UPK3A: variants seen among roughly 807,000 people sequenced by gnomAD.
The protein encoded by UPK3A is uroplakin 3A.
In UPK3A, 32 loss-of-function variants were observed where a neutral mutation model predicts 27.6. The observed-to-expected ratio is 1.16, with a 90% CI of 0.87 to 1.55. The LOEUF is 1.55. UPK3A is among the 40% of genes most tolerant of loss of function. The pLI is 0.00. For missense variants in UPK3A, 370 were observed against 367.9 expected (o/e 1.01, Z -0.05); for synonymous variants, 171 against 163.9 (o/e 1.04, Z -0.33).
chr22:45,288,447 C>T (rs1457791693), intron 3 of UPK3A, among the ~76,000 whole-genome samples: 2 of 152,220 alleles, frequency 1.3e-5, no homozygotes, highest in East Asian at 3.9e-4. Flanking sequence ...ATCCGCCCGC[C>T]TCAGCCTCCC....
In UPK3A at chr22:45,291,584, G is replaced by T. The variant is rs543040990; in HGVS notation, c.572-1597G>T. Among the ~76,000 whole-genome samples the T allele has an allele frequency of 2.1e-4, 32 of 149,172 alleles. No homozygotes were observed. The East Asian group carries it at 6.2e-3, about 29-fold the overall frequency. On this transcript the variant is annotated intron_variant, in intron 4 of 5. Coordinates refer to ENST00000216211, the MANE Select transcript of UPK3A (RefSeq NM_006953.4). ...TGTGTGTGCGTGTGTAAGAGTTTGA[G>T]TTGGTGTGTGGTGTCTGAGTGTGAC... is the stretch of plus-strand genomic sequence containing the variant.
At chr22:45,285,697 G>T (rs1411335093) in intron 1 of UPK3A, among the ~76,000 whole-genome samples, 1 of 152,160 alleles carries the variant, frequency 6.6e-6, no homozygotes, top group Non-Finnish European at 1.5e-5. Context: ...TGCTTAGGAG[G>T]GGCAGTGGAG....
chr22:45,290,456 C>A (rs535906502), intron 4 of UPK3A, among the ~76,000 whole-genome samples: 1 of 152,092 alleles, frequency 6.6e-6, no homozygotes, highest in South Asian at 2.1e-4. Flanking sequence ...AGTGCCCGTG[C>A]CTGTTGTGGT....
At chr22:45,289,997 C>T (rs1422703766) in intron 4 of UPK3A, among the ~76,000 whole-genome samples, 1 of 152,180 alleles carries the variant, frequency 6.6e-6, no homozygotes, top group Admixed American at 6.5e-5. Flanking sequence ...ATCCTCATAG[C>T]AGCAAGCACC....
chr22:45,290,024 T>A (rs1207606365), intron 4 of UPK3A, among the ~76,000 whole-genome samples: 3 of 152,156 alleles, frequency 2.0e-5, no homozygotes, highest in African/African-American at 7.2e-5. Flanking sequence ...CCAGGTAAGA[T>A]GTTTCCAAGG....
chr22:45,289,470 C>T lies in UPK3A; in HGVS notation c.571+327C>T, dbSNP rs145494031. Among the ~76,000 whole-genome samples the T allele has an allele frequency of 3.7e-3, 555 of 150,500 alleles. 5 individuals carry two copies. Among genetic ancestry groups the T allele is most frequent in the African/African-American group, 0.013 (522 of 40,948 alleles). ...GGGGGTGCCTTTAGTCCCAGCTACT[C>T]GGGAGGCTAAGGCGGGAGAATAGCG... On this transcript the variant is annotated intron_variant, in intron 4 of 5. Transcript: ENST00000216211.
At chr22:45,291,293 TG>T (rs1250091205) in intron 4 of UPK3A, among the ~76,000 whole-genome samples, 1 of 146,066 alleles carries the variant, frequency 6.8e-6, no homozygotes, top group South Asian at 2.2e-4. Context: ...TGGTGTGTGG[TG>T]GGGGTGTGTG....
rs146353231 is a variant in UPK3A, at chr22:45,295,656, G to A, written c.801G>A (p.Thr267=). 4.2e-5 allele frequency: 67 copies of A among 1,613,896 alleles called. No homozygotes were observed. The highest frequency in any genetic ancestry group is 3.3e-4 in the Middle Eastern group (2 of 6,060). Residue 267 remains threonine, a synonymous_variant, in exon 6 of 6, where the codon ACG becomes ACA. Transcript: ENST00000216211. ...KSLGASESSY[T]SVNRGPPLDR... is the part of the protein sequence containing the mutation. Reference sequence around the variant, plus strand: ...TGGGGGCCTCGGAGTCTTCCTACACGTCCGTGAACCGGGGGCCGCCACTGG... The same window carrying A: ...TGGGGGCCTCGGAGTCTTCCTACACATCCGTGAACCGGGGGCCGCCACTGG...
Position 45,289,198 on chromosome 22 carries a change from C to T in UPK3A, c.571+55C>T, listed in dbSNP as rs1176343706. 9.5e-6 allele frequency: 15 copies of T among 1,575,844 alleles called. No homozygotes were observed. In the Middle Eastern group the frequency reaches 1.3e-3, roughly 141 times the overall value. On this transcript the variant is annotated intron_variant, in intron 4 of 5. Coordinates refer to ENST00000216211, the MANE Select transcript of UPK3A (RefSeq NM_006953.4). ...CTCAAGGGGACCCGAGAAGGCGGGG[C>T]CAGCCACGGCGGTGAGAACCAAGGC...
At position 45,286,045 on chromosome 22, in the gene UPK3A, G is replaced by A. The variant is rs781151893; in HGVS notation, c.157G>A (p.Glu53Lys). 7 of 1,614,064 alleles carry A rather than the reference G, an allele frequency of 4.3e-6. No individual in the cohort carries two copies. The highest frequency in any genetic ancestry group is 5.9e-6 in the Non-Finnish European group (7 of 1,180,032). Reference protein sequence around the residue: ...EKPLCMFDSKEALTGTHEVYL... With the variant: ...EKPLCMFDSKKALTGTHEVYL... Reference sequence around the variant, plus strand: ...GCCTCTCTGCATGTTTGACAGCAAAGAGGCCCTCACTGGCACCCACGAGGT... The same window carrying A: ...GCCTCTCTGCATGTTTGACAGCAAAAAGGCCCTCACTGGCACCCACGAGGT... Residue 53 changes from glutamate to lysine, a missense_variant, in exon 2 of 6, where the codon GAG (glutamate) becomes AAG (lysine). Physicochemically the swap from Glu to Lys is moderately conservative, Grantham distance 56. Transcript: ENST00000216211.
At chr22:45,293,829 G>A (rs1189200518) in intron 5 of UPK3A, among the ~76,000 whole-genome samples, 2 of 152,144 alleles carry the variant, frequency 1.3e-5, no homozygotes, top group African/African-American at 2.4e-5. Context: ...GGGTCAGAGT[G>A]GCCCAAGGCG....
At chr22:45,289,452 C>G (rs963883536) in intron 4 of UPK3A, among the ~76,000 whole-genome samples, 3 of 151,926 alleles carry the variant, frequency 2.0e-5, no homozygotes, top group Middle Eastern at 3.4e-3. Flanking sequence ...GGTGGGGGTG[C>G]CTTTAGTCCC....
intron 4 of UPK3A, among the ~76,000 whole-genome samples, chr22:45,289,471 G>A (rs987454104): frequency 6.6e-6 from 1 of 151,660 alleles, no homozygotes; most frequent in Non-Finnish European, 1.5e-5. Context: ...CCAGCTACTC[G>A]GGAGGCTAAG....
At chr22:45,286,200 C>A in intron 2 of UPK3A, 104 bp downstream of exon 2, 1 of 1,467,048 alleles carries the variant, frequency 6.8e-7, no homozygotes, top group South Asian at 1.2e-5. Context: ...CTGTAGTCGT[C>A]TCATTAAACA....
chr22:45,291,264 G>GTGTGAGT (rs2084158555), intron 4 of UPK3A, among the ~76,000 whole-genome samples: 1 of 150,954 alleles, frequency 6.6e-6, no homozygotes, highest in African/African-American at 2.4e-5. Flanking sequence ...GAGAGTGTGT[G>GTGTGAGT]TGGTGTGGGT....
At position 45,286,049 on chromosome 22, in the gene UPK3A, C is replaced by G. The variant is rs1280402617; in HGVS notation, c.161C>G (p.Ala54Gly). 1.2e-6 allele frequency: 2 copies of G among 1,614,038 alleles called. No individual in the cohort carries two copies. The highest frequency in any genetic ancestry group is 2.7e-5 in the African/African-American group (2 of 74,894). Residue 54 changes from alanine (A) to glycine (G), a missense_variant, in exon 2 of 6, where the codon GCC (alanine) becomes GGC (glycine). Physicochemically the swap from Ala to Gly is moderately conservative, Grantham distance 60 (BLOSUM62 0). Transcript: ENST00000216211. ...CTCTGCATGTTTGACAGCAAAGAGG[C>G]CCTCACTGGCACCCACGAGGTCTAC... ...KPLCMFDSKE[A>G]LTGTHEVYLY...
Position 45,285,895 on chromosome 22 carries a change from G to C in UPK3A, c.53-46G>C, listed in dbSNP as rs767979193. On this transcript the variant is annotated intron_variant, in intron 1 of 5. Transcript: ENST00000216211. ...AGTAACTGCAAGCAGAGTGGGTGTG[G>C]ACAGTTCTGCCGGAGGTCAGTTCCC... 1.4e-5 allele frequency: 22 copies of C among 1,612,094 alleles called. No individual in the cohort carries two copies. The South Asian group carries it at 2.2e-4, about 16-fold the overall frequency.
At chr22:45,293,409 A>T (rs776597833) in intron 5 of UPK3A, 96 bp downstream of exon 5, 35 of 1,534,644 alleles carry the variant, frequency 2.3e-5, no homozygotes, top group Non-Finnish European at 3.0e-5. Context: ...GAGGCAGGGG[A>T]CAGCCCGGAA....
At chr22:45,285,912 T>A in intron 1 of UPK3A, 29 bp from the exon 2 acceptor site, 1 of 1,612,924 alleles carries the variant, frequency 6.2e-7, no homozygotes, top group Non-Finnish European at 8.5e-7. Context: ...CTGCCGGAGG[T>A]CAGTTCCCAT....
Sources: gnomAD v4.1 joint callset for allele counts (sites outside exome capture counted in the v4.1 genomes callset) on GRCh38, gnomAD v4.1.1 for gene constraint, MANE v1.5 for transcripts, NCBI Gene and HGNC (gene_info 2026-07-23, HGNC 2026-07-21) for gene names.